Variants in MPZL3 observed in about 807,000 individuals in gnomAD.
MPZL3 encodes myelin protein zero-like protein 3.
A neutral mutation model predicts 24.8 loss-of-function variants in MPZL3; 23 were observed. That is an observed-to-expected ratio of 0.93 (90% CI 0.67 to 1.31). The LOEUF is 1.31. Among genes scored for constraint, MPZL3 ranks in the 40% most tolerant of loss-of-function variants. The probability of loss-of-function intolerance (pLI) is 0.00; values close to 1 mark genes in which losing one functional copy is unlikely to be tolerated. For synonymous variants in MPZL3, 99 were observed against 106.5 expected (o/e 0.93, Z 0.44); for missense variants, 277 against 294.9 (o/e 0.94, Z 0.44).
intron 2 of MPZL3, among the ~76,000 whole-genome samples, chr11:118,239,666 C>T (rs1035400875): frequency 2.0e-5 from 3 of 152,136 alleles, no homozygotes; most frequent in African/African-American, 7.2e-5. Context: ...CTGTCACCAA[C>T]ATCTGTCACC....
intron 1 of MPZL3, among the ~76,000 whole-genome samples, chr11:118,244,073 G>A (rs12286567): frequency 1.3e-5 from 2 of 151,938 alleles, no homozygotes; most frequent in African/African-American, 2.4e-5. Context: ...TGTAAAATCC[G>A]AGGGATAAAA....
At chr11:118,236,997 C>A (rs1246469687) in intron 3 of MPZL3, 53 bp downstream of exon 3, 12 of 1,505,500 alleles carry the variant, frequency 8.0e-6, no homozygotes, top group Non-Finnish European at 1.1e-5. Flanking sequence ...CTCCAGAAAG[C>A]ACCACAGCAG....
In MPZL3 at chr11:118,235,140, A is replaced by G. The variant is rs190376564; in HGVS notation, c.617+284T>C. On this transcript the variant is annotated intron_variant, in intron 4 of 5. Coordinates refer to ENST00000278949, the MANE Select transcript of MPZL3 (RefSeq NM_198275.3). ...TGACCTGGAATTGAAAGAATGAAAC[A>G]TTGACTTCAGAATTTATTCAGACCA... Among the ~76,000 whole-genome samples the G allele has an allele frequency of 2.2e-4, 33 of 152,326 alleles. 2 individuals are homozygous for G. The highest frequency in any genetic ancestry group is 6.7e-4 in the African/African-American group (28 of 41,586).
intron 2 of MPZL3, among the ~76,000 whole-genome samples, chr11:118,237,965 C>T (rs1263917716): frequency 1.3e-5 from 2 of 151,928 alleles, no homozygotes. Flanking sequence ...AGTGAAACCC[C>T]ATCTCTACTA....
intron 1 of MPZL3, among the ~76,000 whole-genome samples, chr11:118,243,078 C>G (rs1644855492): frequency 6.6e-6 from 1 of 152,176 alleles, no homozygotes; most frequent in African/African-American, 2.4e-5. Context: ...AAGCTCAGCT[C>G]TAGACGACCA....
At chr11:118,252,028 G>C (rs996026146) in intron 1 of MPZL3, among the ~76,000 whole-genome samples, 194 bp downstream of exon 1, 2 of 152,200 alleles carry the variant, frequency 1.3e-5, no homozygotes, top group African/African-American at 4.8e-5. Context: ...CCAAAGCTCA[G>C]GAAAGGACTG....
chr11:118,241,378 A>G (rs753666203), intron 1 of MPZL3, among the ~76,000 whole-genome samples: 39 of 152,202 alleles, frequency 2.6e-4, no homozygotes, highest in Non-Finnish European at 3.7e-4. Flanking sequence ...TACAGGCAGA[A>G]TGGTGTTGTG....
At chr11:118,241,012 A>G (rs866921918) in intron 1 of MPZL3, among the ~76,000 whole-genome samples, 1 of 152,192 alleles carries the variant, frequency 6.6e-6, no homozygotes, top group African/African-American at 2.4e-5. Context: ...TAAATCATGG[A>G]GAAGAAAACA....
intron 1 of MPZL3, among the ~76,000 whole-genome samples, chr11:118,244,491 T>C (rs1949534691): frequency 6.6e-6 from 1 of 151,828 alleles, no homozygotes; most frequent in South Asian, 2.1e-4. Context: ...AAGAAAAAGG[T>C]AACAAGGTGA....
intron 1 of MPZL3, among the ~76,000 whole-genome samples, chr11:118,247,759 C>T (rs1390596665): frequency 6.6e-6 from 1 of 152,072 alleles, no homozygotes; most frequent in Non-Finnish European, 1.5e-5. Context: ...CAGTCATGAG[C>T]CACCATGCCC....
intron 1 of MPZL3, among the ~76,000 whole-genome samples, chr11:118,246,620 T>A (rs1393158197): frequency 1.4e-5 from 2 of 144,346 alleles, no homozygotes; most frequent in Non-Finnish European, 3.0e-5. Flanking sequence ...GGCATCACTC[T>A]GTTGCTCAGG....
intron 1 of MPZL3, among the ~76,000 whole-genome samples, chr11:118,241,530 T>C (rs1259760202): frequency 6.6e-6 from 1 of 152,170 alleles, no homozygotes; most frequent in East Asian, 1.9e-4. Context: ...TAACAGTACT[T>C]ACCTCAGAAG....
intron 1 of MPZL3, among the ~76,000 whole-genome samples, chr11:118,246,770 G>A (rs1419681073): frequency 2.0e-5 from 3 of 151,696 alleles, no homozygotes; most frequent in Admixed American, 6.6e-5. Context: ...ATTTTTGGTA[G>A]AGACGGGGTT....
intron 1 of MPZL3, among the ~76,000 whole-genome samples, chr11:118,244,679 A>G (rs944789327): frequency 4.6e-5 from 7 of 152,224 alleles, no homozygotes; most frequent in Non-Finnish European, 4.4e-5. Context: ...ACCAGGCAGG[A>G]CCTTACAGAT....
intron 1 of MPZL3, among the ~76,000 whole-genome samples, chr11:118,251,083 G>GTGTT (rs1193119943): frequency 2.5e-3 from 79 of 31,802 alleles, no homozygotes; most frequent in Admixed American, 5.2e-3. Context: ...TTTCTCGTGT[G>GTGTT]TGTGTGTGTG....
chr11:118,229,716 TACA>T lies in MPZL3; in HGVS notation c.*175_*177del, dbSNP rs982592541. On this transcript the variant is annotated 3_prime_UTR_variant, in exon 6 of 6. Transcript: ENST00000278949. ...TGAGAGTTCCTGAACAGTTTATAAA[TACA>T]ACAAGAACATTTATTCAATAAATAA... 1.4e-5 allele frequency: 8 copies of T among 556,262 alleles called. No homozygotes were observed. In the African/African-American group the frequency reaches 1.5e-4, roughly 11 times the overall value. The allele number at this position is 556,262 out of a possible 1,614,324, so 34.5% of individuals were successfully genotyped here. A position where few individuals can be genotyped will look rare whatever the true frequency, so the allele number is the denominator to read the frequency against.
chr11:118,229,980 A>G (rs1008526591), intron 5 of MPZL3, 60 bp from the exon 6 acceptor site: 15 of 1,524,388 alleles, frequency 9.8e-6, no homozygotes, highest in East Asian at 2.3e-5. Context: ...TTAGGCAAAG[A>G]CCACATGTTA....
intron 1 of MPZL3, among the ~76,000 whole-genome samples, chr11:118,247,284 C>T (rs970356695): frequency 6.6e-6 from 1 of 152,142 alleles, no homozygotes; most frequent in Non-Finnish European, 1.5e-5. Flanking sequence ...CAGCAACTGA[C>T]TTTACTGCCA....
Position 118,252,359 on chromosome 11 carries a change from C to A in MPZL3, c.-65G>T, listed in dbSNP as rs1389780607. ...CTCCCGGTAACGACACAGGTAACAC[C>A]GGAAGTGACGTCAGAGCAGGAGGCC... is the stretch of plus-strand genomic sequence containing the variant. On this transcript the variant is annotated 5_prime_UTR_variant, in exon 1 of 6. Transcript: ENST00000278949. 2.0e-6 allele frequency: 3 copies of A among 1,507,596 alleles called. No homozygotes were observed. Among genetic ancestry groups the A allele is most frequent in the East Asian group, 2.3e-5 (1 of 43,658 alleles). 93.4% of individuals were successfully genotyped at this position (1,507,596 alleles called of 1,614,324 possible).
Sources: allele counts gnomAD v4.1 joint callset (sites outside exome capture counted in the v4.1 genomes callset), GRCh38; gene constraint gnomAD v4.1.1; transcripts MANE v1.5; gene names NCBI Gene and HGNC (gene_info 2026-07-23, HGNC 2026-07-21).